Variants in WDR70 observed in about 807,000 individuals in gnomAD.
WDR70 encodes the protein WD repeat-containing protein 70.
In WDR70, 53 loss-of-function variants were observed where a neutral mutation model predicts 88.6. The ratio of observed to expected loss-of-function variants is 0.60; its 90% CI spans 0.48 to 0.75. The LOEUF (loss-of-function observed/expected upper bound fraction) is 0.75. Ranked by LOEUF, WDR70 falls within the 30% of genes least tolerant of loss-of-function variation. The pLI is 0.00. For synonymous variants in WDR70, 280 were observed against 270.0 expected (o/e 1.04, Z -0.36); for missense variants, 610 against 823.2 (o/e 0.74, Z 3.17).
chr5:37,527,971 A>G (rs1224109292), intron 9 of WDR70, among the ~76,000 whole-genome samples: 1 of 152,196 alleles, frequency 6.6e-6, no homozygotes, highest in African/African-American at 2.4e-5. Context: ...TTAAAAACTC[A>G]GGAAACAATG....
chr5:37,566,529 T>C (rs1742747141), intron 9 of WDR70, among the ~76,000 whole-genome samples: 1 of 152,162 alleles, frequency 6.6e-6, no homozygotes, highest in Non-Finnish European at 1.5e-5. Flanking sequence ...CAACTATTTA[T>C]ATAGTAATTA....
intron 7 of WDR70, among the ~76,000 whole-genome samples, chr5:37,453,925 C>G (rs1278967636): frequency 4.4e-4 from 67 of 152,192 alleles, no homozygotes; most frequent in Non-Finnish European, 8.8e-5. Flanking sequence ...ACCCACTCTA[C>G]CCATTACCCT....
At chr5:37,523,696 A>T (rs949762672) in intron 9 of WDR70, among the ~76,000 whole-genome samples, 8 of 152,102 alleles carry the variant, frequency 5.3e-5, no homozygotes, top group Admixed American at 2.0e-4. Flanking sequence ...TAAAGGAGGA[A>T]GTTCGAACTC....
intron 5 of WDR70, among the ~76,000 whole-genome samples, chr5:37,410,290 T>C (rs1371310937): frequency 6.7e-6 from 1 of 148,370 alleles, no homozygotes; most frequent in Non-Finnish European, 1.5e-5. Flanking sequence ...CTGCCTGCCA[T>C]GGCCTCCCAA....
chr5:37,527,151 C>G lies in WDR70; in HGVS notation c.917+10561C>G, dbSNP rs185377210. Among the ~76,000 whole-genome samples, 338 of 152,244 alleles carry G rather than the reference C, an allele frequency of 2.2e-3. 3 individuals are homozygous for G. The highest frequency in any genetic ancestry group is 7.9e-3 in the African/African-American group (328 of 41,534). ...AACTACTTTTAAAGTTTATATGGAA[C>G]CAAAAAAGAGCCCACATTCCCAAGA... On this transcript the variant is annotated intron_variant, in intron 9 of 17. Coordinates refer to ENST00000265107, the MANE Select transcript of WDR70 (RefSeq NM_018034.4).
intron 10 of WDR70, among the ~76,000 whole-genome samples, chr5:37,661,453 G>C (rs1745697739): frequency 6.6e-6 from 1 of 152,248 alleles, no homozygotes; most frequent in Non-Finnish European, 1.5e-5. Flanking sequence ...CCAGTGGATA[G>C]TGTGAAGGAC....
At chr5:37,730,736 TTTCTC>T (rs1331186610) in intron 17 of WDR70, among the ~76,000 whole-genome samples, 1 of 152,156 alleles carries the variant, frequency 6.6e-6, no homozygotes, top group Non-Finnish European at 1.5e-5. Context: ...TTCCTAAAGT[TTTCTC>T]TTTAATTGTG....
intron 4 of WDR70, among the ~76,000 whole-genome samples, chr5:37,395,552 G>T (rs1386021164): frequency 6.6e-6 from 1 of 152,064 alleles, no homozygotes; most frequent in Non-Finnish European, 1.5e-5. Flanking sequence ...TAATGTTTTG[G>T]CAATGTAGGA....
chr5:37,518,553 G>A (rs1740965480), intron 9 of WDR70, among the ~76,000 whole-genome samples: 2 of 151,982 alleles, frequency 1.3e-5, no homozygotes, highest in South Asian at 4.2e-4. Flanking sequence ...TTTCATGGCT[G>A]AATAGTACTC....
intron 5 of WDR70, among the ~76,000 whole-genome samples, chr5:37,427,474 A>T (rs1158200243): frequency 6.6e-6 from 1 of 152,182 alleles, no homozygotes; most frequent in Non-Finnish European, 1.5e-5. Context: ...ATGTACATAC[A>T]TGTACATGTA....
intron 9 of WDR70, among the ~76,000 whole-genome samples, chr5:37,567,974 G>T (rs1466821875): frequency 6.6e-6 from 1 of 152,130 alleles, no homozygotes; most frequent in Non-Finnish European, 1.5e-5. Context: ...AAGCTTATCT[G>T]TTATTTGGTC....
At chr5:37,617,025 A>C (rs1163037745) in intron 10 of WDR70, among the ~76,000 whole-genome samples, 1 of 152,232 alleles carries the variant, frequency 6.6e-6, no homozygotes, top group Non-Finnish European at 1.5e-5. Flanking sequence ...ACTAGATTTT[A>C]AAGCATATAG....
chr5:37,441,905 C>T (rs1351604669), intron 6 of WDR70, among the ~76,000 whole-genome samples: 1 of 152,112 alleles, frequency 6.6e-6, no homozygotes, highest in African/African-American at 2.4e-5. Context: ...CAGTTCTTTT[C>T]TTCTTAGAGG....
intron 5 of WDR70, among the ~76,000 whole-genome samples, chr5:37,415,360 G>C (rs1040277002): frequency 2.1e-5 from 3 of 142,828 alleles, no homozygotes; most frequent in African/African-American, 7.4e-5. Context: ...AGGGGCGGCC[G>C]GGCAGAGGCA....
At chr5:37,721,303 A>T (rs1747808638) in intron 14 of WDR70, 88 bp downstream of exon 14, 1 of 1,163,434 alleles carries the variant, frequency 8.6e-7, no homozygotes, top group Non-Finnish European at 1.3e-6. Flanking sequence ...TTTATTTCCC[A>T]CTTTGATGGA....
chr5:37,667,665 C>A (rs1581478141), intron 10 of WDR70, among the ~76,000 whole-genome samples: 2 of 152,074 alleles, frequency 1.3e-5, no homozygotes, highest in Middle Eastern at 6.8e-3. Flanking sequence ...GCTATGGCTG[C>A]TTTCATGCTA....
At chr5:37,575,788 G>A (rs1221306450) in intron 9 of WDR70, among the ~76,000 whole-genome samples, 1 of 152,126 alleles carries the variant, frequency 6.6e-6, no homozygotes, top group East Asian at 1.9e-4. Context: ...ACCTGAGAAG[G>A]GGGTTGTAGC....
intron 10 of WDR70, among the ~76,000 whole-genome samples, chr5:37,668,004 T>C (rs1314160374): frequency 2.0e-5 from 3 of 152,112 alleles, no homozygotes; most frequent in Non-Finnish European, 4.4e-5. Flanking sequence ...GGTGTGCAAA[T>C]AAACTCTAGT....
intron 3 of WDR70, among the ~76,000 whole-genome samples, chr5:37,382,255 C>T (rs577301483): frequency 2.6e-5 from 4 of 151,840 alleles, no homozygotes; most frequent in South Asian, 2.1e-4. Context: ...CATGCCACCA[C>T]GCCCAGCTAA....
Sources: allele counts gnomAD v4.1 joint callset (sites outside exome capture counted in the v4.1 genomes callset), GRCh38; gene constraint gnomAD v4.1.1; transcripts MANE v1.5; gene names NCBI Gene and HGNC (gene_info 2026-07-23, HGNC 2026-07-21).